The following UBL3 variants were observed in gnomAD, a reference collection of about 807,000 sequenced individuals.
The protein encoded by UBL3 is ubiquitin-like protein 3.
In UBL3, 6 loss-of-function variants were observed where a neutral mutation model predicts 18.4. The observed-to-expected ratio is 0.33, with a 90% CI of 0.18 to 0.64. UBL3 has a LOEUF of 0.64. Among genes scored for constraint, UBL3 ranks in the 30% least tolerant of loss-of-function variants. The pLI is 0.76. For synonymous variants in UBL3, 49 were observed against 46.6 expected, an observed-to-expected ratio of 1.05 and a Z score of -0.21; for missense variants, 109 against 142.9, an observed-to-expected ratio of 0.76 and a Z score of 1.21.
intron 1 of UBL3, among the ~76,000 whole-genome samples, chr13:29,815,133 T>C (rs1431434422): frequency 1.3e-5 from 2 of 152,142 alleles, no homozygotes; most frequent in African/African-American, 2.4e-5. Flanking sequence ...ACAGTAGCAA[T>C]TGAAATGTCA....
At chr13:29,822,730 G>A (rs899166580) in intron 1 of UBL3, among the ~76,000 whole-genome samples, 4 of 151,826 alleles carry the variant, frequency 2.6e-5, no homozygotes, top group South Asian at 2.1e-4. Context: ...AAGGAAATAC[G>A]GTACAGCTAT....
At chr13:29,782,598 T>C (rs1877205921) in intron 1 of UBL3, among the ~76,000 whole-genome samples, 1 of 152,164 alleles carries the variant, frequency 6.6e-6, no homozygotes, top group Non-Finnish European at 1.5e-5. Context: ...CTTCAGACAC[T>C]CAGGAAACTG....
chr13:29,824,482 T>C (rs753077324), intron 1 of UBL3, among the ~76,000 whole-genome samples: 4 of 152,250 alleles, frequency 2.6e-5, no homozygotes, highest in Non-Finnish European at 5.9e-5. Context: ...TTTCTTCACG[T>C]GCCCATTGGC....
At position 29,841,554 on chromosome 13, in the gene UBL3, C is replaced by T. The variant is rs183403182; in HGVS notation, c.27+7958G>A. On this transcript the variant is annotated intron_variant, in intron 1 of 4. Coordinates refer to ENST00000380680, the MANE Select transcript of UBL3 (RefSeq NM_007106.4). ...AATCCAGATGTTACATAGTTTATTA[C>T]AAAGATATATGAAGTAGGTTTCATT... is the stretch of plus-strand genomic sequence containing the variant. 3.4e-3 allele frequency among the ~76,000 whole-genome samples: 525 copies of T among 152,208 alleles called. 1 individual carries two copies. Among genetic ancestry groups the T allele is most frequent in the African/African-American group, 0.012 (501 of 41,540 alleles).
intron 1 of UBL3, among the ~76,000 whole-genome samples, chr13:29,827,216 C>A (rs1878646288): frequency 6.6e-6 from 1 of 152,148 alleles, no homozygotes; most frequent in South Asian, 2.1e-4. Context: ...TGGTGCAGAG[C>A]TGAGTTCAAT....
chr13:29,778,078 A>C (rs1877049879), intron 1 of UBL3, among the ~76,000 whole-genome samples: 1 of 152,140 alleles, frequency 6.6e-6, no homozygotes, highest in Non-Finnish European at 1.5e-5. Context: ...AGAAACTTTA[A>C]TTTTAAAGAA....
intron 1 of UBL3, among the ~76,000 whole-genome samples, chr13:29,830,569 G>A (rs1878746516): frequency 6.6e-6 from 1 of 152,170 alleles, no homozygotes; most frequent in African/African-American, 2.4e-5. Flanking sequence ...CGCAATCTCT[G>A]CATCAAAGCA....
chr13:29,824,898 G>A (rs1019109591), intron 1 of UBL3, among the ~76,000 whole-genome samples: 1 of 152,134 alleles, frequency 6.6e-6, no homozygotes, highest in African/African-American at 2.4e-5. Context: ...GTGTAAGGAA[G>A]GGATCCAGTT....
At chr13:29,777,720 G>GT (rs1202469084) in intron 1 of UBL3, among the ~76,000 whole-genome samples, 1 of 152,082 alleles carries the variant, frequency 6.6e-6, no homozygotes, top group South Asian at 2.1e-4. Context: ...CTATATACAA[G>GT]TTTTTTTCCT....
At chr13:29,782,020 T>G (rs1235593686) in intron 1 of UBL3, among the ~76,000 whole-genome samples, 1 of 150,506 alleles carries the variant, frequency 6.6e-6, no homozygotes, top group Non-Finnish European at 1.5e-5. Flanking sequence ...AAAAATAAAA[T>G]AAACATAAAT....
At chr13:29,783,239 A>G (rs1224130329) in intron 1 of UBL3, among the ~76,000 whole-genome samples, 1 of 152,266 alleles carries the variant, frequency 6.6e-6, no homozygotes, top group Non-Finnish European at 1.5e-5. Context: ...GTTAACATAA[A>G]TGCTATCATT....
At chr13:29,791,183 C>T (rs1243763846) in intron 1 of UBL3, among the ~76,000 whole-genome samples, 1 of 152,156 alleles carries the variant, frequency 6.6e-6, no homozygotes, top group African/African-American at 2.4e-5. Context: ...TACTCCTGCC[C>T]TTTTTTCTCA....
At chr13:29,769,901 C>T (rs1418272850) in intron 3 of UBL3, among the ~76,000 whole-genome samples, 3 of 152,156 alleles carry the variant, frequency 2.0e-5, no homozygotes, top group African/African-American at 7.2e-5. Flanking sequence ...GGCTGAATTC[C>T]ACCCATGGCT....
chr13:29,770,974 T>C (rs1876826567), intron 3 of UBL3, among the ~76,000 whole-genome samples: 1 of 152,100 alleles, frequency 6.6e-6, no homozygotes, highest in South Asian at 2.1e-4. Context: ...GACATTGTCA[T>C]AAAATCATTT....
intron 1 of UBL3, among the ~76,000 whole-genome samples, chr13:29,838,896 G>A (rs1879024233): frequency 6.6e-6 from 1 of 151,738 alleles, no homozygotes; most frequent in South Asian, 2.1e-4. Context: ...TTACGTATAA[G>A]GACGAAGAGA....
Position 29,850,044 on chromosome 13 carries a change from G to GTGGCCGGACGC in UBL3, c.-517_-507dup, listed in dbSNP as rs1348526032. The GTGGCCGGACGC allele has an allele frequency of 6.5e-6, 1 of 153,884 alleles. No homozygotes were observed. The highest frequency in any genetic ancestry group is 2.4e-5 in the African/African-American group (1 of 41,478). The allele number at this position is 153,884 out of a possible 1,614,324, so 9.5% of individuals were successfully genotyped here. A position where few individuals can be genotyped will look rare whatever the true frequency, so the allele number is the denominator to read the frequency against. ...GTGAGCCTTGAGTGGCGGCCGAGCG[G>GTGGCCGGACGC]TGGCCGGACGCTGGCCGCGGACCCT... is the stretch of plus-strand genomic sequence containing the variant. On this transcript the variant is annotated 5_prime_UTR_variant, in exon 1 of 5. Transcript: ENST00000380680.
chr13:29,807,230 C>T (rs924961598), intron 1 of UBL3, among the ~76,000 whole-genome samples: 8 of 152,134 alleles, frequency 5.3e-5, no homozygotes, highest in African/African-American at 1.4e-4. Flanking sequence ...GTTCTTGCTA[C>T]TTCTTGTATG....
intron 2 of UBL3, among the ~76,000 whole-genome samples, chr13:29,773,266 A>G (rs1407836744): frequency 6.6e-6 from 1 of 152,190 alleles, no homozygotes; most frequent in African/African-American, 2.4e-5. Flanking sequence ...ACTTAGGCAC[A>G]GCAGAAATGA....
chr13:29,779,446 C>T (rs1233593532), intron 1 of UBL3, among the ~76,000 whole-genome samples: 2 of 152,070 alleles, frequency 1.3e-5, no homozygotes, highest in Non-Finnish European at 2.9e-5. Flanking sequence ...ATTATGTGAA[C>T]TTAATACTTC....
Sources: gnomAD v4.1 joint callset for allele counts (sites outside exome capture counted in the v4.1 genomes callset) on GRCh38, gnomAD v4.1.1 for gene constraint, MANE v1.5 for transcripts, NCBI Gene and HGNC (gene_info 2026-07-23, HGNC 2026-07-21) for gene names.